SLC15A5: variants seen among roughly 807,000 people sequenced by gnomAD.
SLC15A5 encodes Peptide/histidine transporter ENSP00000340402.
In SLC15A5, 58 loss-of-function variants were observed where a neutral mutation model predicts 56.1. The observed-to-expected ratio is 1.03, with a 90% CI of 0.84 to 1.29. The LOEUF (loss-of-function observed/expected upper bound fraction) is 1.29. SLC15A5 is among the 50% of genes most tolerant of loss of function. The probability of loss-of-function intolerance (pLI) is 0.00; values close to 1 mark genes in which losing one functional copy is unlikely to be tolerated. For missense variants in SLC15A5, 681 were observed against 672.1 expected (o/e 1.01, Z -0.15); for synonymous variants, 264 against 250.5 (o/e 1.05, Z -0.51).
chr12:16,202,949 C>T (rs1232728344), intron 7 of SLC15A5, among the ~76,000 whole-genome samples: 1 of 151,702 alleles, frequency 6.6e-6, no homozygotes, highest in Non-Finnish European at 1.5e-5. Context: ...GGTGGTATTA[C>T]CAAAGGCTGA....
Position 16,224,436 on chromosome 12 carries a change from C to T in SLC15A5, c.1329G>A (p.Ala443=), listed in dbSNP as rs754619428. 27 of 1,537,064 alleles carry T rather than the reference C, an allele frequency of 1.8e-5. No homozygotes were observed. Among genetic ancestry groups the T allele is most frequent in the South Asian group, 5.9e-5 (5 of 84,046 alleles). Residue 443 remains alanine, a synonymous_variant, in exon 6 of 9, where the codon GCG becomes GCA. Coordinates refer to ENST00000344941, the MANE Select transcript of SLC15A5 (RefSeq NM_001170798.1). ...LILQYVLLGV[A]ETLVNPALSV... ...CACGGGCTGGGTTTACCAGTGTTTC[C>T]GCCACTCCAAGTAAAACATACTGAA...
chr12:16,266,690 A>G (rs1326367558), intron 2 of SLC15A5, among the ~76,000 whole-genome samples: 5 of 152,214 alleles, frequency 3.3e-5, no homozygotes, highest in Non-Finnish European at 7.4e-5. Flanking sequence ...ACAGTCTTCA[A>G]ACTTACCATT....
chr12:16,214,038 A>G (rs1011325887), intron 7 of SLC15A5, among the ~76,000 whole-genome samples: 2 of 152,206 alleles, frequency 1.3e-5, no homozygotes, highest in African/African-American at 4.8e-5. Context: ...TGGTTTCAGA[A>G]TGCTGAGAGG....
intron 7 of SLC15A5, among the ~76,000 whole-genome samples, chr12:16,200,932 G>A (rs1863948756): frequency 6.6e-6 from 1 of 152,076 alleles, no homozygotes; most frequent in African/African-American, 2.4e-5. Flanking sequence ...AGATTTAATA[G>A]TTCTAAGAGA....
chr12:16,260,793 C>T, intron 2 of SLC15A5, among the ~76,000 whole-genome samples: 1 of 150,256 alleles, frequency 6.7e-6, no homozygotes, highest in African/African-American at 2.4e-5. Context: ...GGGTTTTGAT[C>T]TCATATAAAG....
intron 6 of SLC15A5, among the ~76,000 whole-genome samples, chr12:16,218,145 G>T (rs759257681): frequency 6.6e-6 from 1 of 152,094 alleles, no homozygotes; most frequent in African/African-American, 2.4e-5. Flanking sequence ...ACAAGTTTTG[G>T]CTATGAGTTG....
intron 2 of SLC15A5, 106 bp downstream of exon 2, chr12:16,272,455 G>A: frequency 9.8e-7 from 1 of 1,021,516 alleles, no homozygotes; most frequent in South Asian, 1.5e-5. Flanking sequence ...TCATCACTTA[G>A]CCCAATTCAT....
chr12:16,277,129 A>AATAC (rs113144724), intron 1 of SLC15A5, among the ~76,000 whole-genome samples, 196 bp downstream of exon 1: 1 of 150,168 alleles, frequency 6.7e-6, no homozygotes, highest in South Asian at 2.1e-4. Flanking sequence ...AACATTCTCT[A>AATAC]ACACACACAC....
At chr12:16,231,969 A>G (rs1864303923) in intron 5 of SLC15A5, among the ~76,000 whole-genome samples, 1 of 152,230 alleles carries the variant, frequency 6.6e-6, no homozygotes, top group Non-Finnish European at 1.5e-5. Flanking sequence ...TCCCTTGCCA[A>G]ATGGCATTCT....
At chr12:16,215,605 CA>C (rs1316602734) in intron 7 of SLC15A5, among the ~76,000 whole-genome samples, 2 of 148,384 alleles carry the variant, frequency 1.3e-5, no homozygotes, top group Admixed American at 1.3e-4. Flanking sequence ...CTGCCGTTCA[CA>C]CAGTTAGCTA....
intron 2 of SLC15A5, among the ~76,000 whole-genome samples, chr12:16,259,532 G>T (rs1396979252): frequency 6.6e-6 from 1 of 152,158 alleles, no homozygotes; most frequent in Non-Finnish European, 1.5e-5. Context: ...TGAGAAGAAA[G>T]AAAATGTTTA....
In SLC15A5 at chr12:16,189,794, A is replaced by G. The variant is rs1216758795; in HGVS notation, c.1614T>C (p.Phe538=). Residue 538 remains phenylalanine, a synonymous_variant, in exon 9 of 9, where the codon TTT becomes TTC. Transcript: ENST00000344941. ...VSQRYCNLNH[F]NAQNIRGSNL... ...TACTTCCACGGATGTTCTGGGCATT[A>G]AAATGATTTAGATTACAATATCTAA... The G allele has an allele frequency of 6.6e-6, 10 of 1,513,588 alleles. No homozygotes were observed. Among genetic ancestry groups the G allele is most frequent in the African/African-American group, 1.4e-5 (1 of 71,722 alleles). The allele number at this position is 1,513,588 out of a possible 1,614,324, so 93.8% of individuals were successfully genotyped here. A position where few individuals can be genotyped will look rare whatever the true frequency, so the allele number is the denominator to read the frequency against.
chr12:16,273,352 C>A (rs766473876), intron 1 of SLC15A5, among the ~76,000 whole-genome samples: 1 of 151,704 alleles, frequency 6.6e-6, no homozygotes, highest in South Asian at 2.1e-4. Context: ...CTGGATGGAG[C>A]CTTCTTTGCC....
intron 7 of SLC15A5, among the ~76,000 whole-genome samples, chr12:16,200,497 GAATTA>G (rs1235684560): frequency 2.0e-5 from 3 of 152,022 alleles, no homozygotes; most frequent in Admixed American, 1.3e-4. Flanking sequence ...GAGATGTAGA[GAATTA>G]AATTAATGTG....
At position 16,277,420 on chromosome 12, in the gene SLC15A5, G is replaced by A; in HGVS notation, c.266C>T (p.Thr89Ile). 6.5e-7 allele frequency: 1 copy of A among 1,536,496 alleles called. No homozygotes were observed. Among genetic ancestry groups the A allele is most frequent in the Non-Finnish European group, 8.7e-7 (1 of 1,146,420 alleles). ...AAILNLCFIGTSILTPVFVRW... is the reference protein window; with the variant it reads ...AAILNLCFIGISILTPVFVRW... ...GACAAACACAGGGGTAAGTATTGAA[G>A]TTCCAATAAAACACAAGTTTAAGAT... The change falls in exon 1 of 9, where the codon ACT becomes ATT. Residue 89 changes from threonine (T) to isoleucine (I), a missense_variant. Thr to Ile is a moderately conservative substitution (Grantham distance 89). Coordinates refer to ENST00000344941, the MANE Select transcript of SLC15A5 (RefSeq NM_001170798.1).
At chr12:16,197,752 CTTT>C (rs35667399) in intron 7 of SLC15A5, among the ~76,000 whole-genome samples, 119 of 146,124 alleles carry the variant, frequency 8.1e-4, no homozygotes, top group East Asian at 1.2e-3. Flanking sequence ...TTCTGTATGC[CTTT>C]TTTTTTTTTT....
rs542224447 is a variant in SLC15A5 at position 16,203,440 on chromosome 12, A to G, written c.1484-8987T>C. On this transcript the variant is annotated intron_variant, in intron 7 of 8. Transcript: ENST00000344941. ...GATTTAATATTGAAAAATTTACTAA[A>G]TGCACCCTAATGATAGGTCCAGTTT... is the stretch of plus-strand genomic sequence containing the variant. 3.9e-4 allele frequency among the ~76,000 whole-genome samples: 60 copies of G among 152,262 alleles called. No homozygotes were observed. The South Asian group carries it at 9.3e-3, about 24-fold the overall frequency.
chr12:16,225,887 A>G (rs1018784018), intron 5 of SLC15A5, among the ~76,000 whole-genome samples: 8 of 152,220 alleles, frequency 5.3e-5, no homozygotes, highest in African/African-American at 7.2e-5. Flanking sequence ...TTGGCCATCC[A>G]GTGCTTAGGC....
chr12:16,272,736 G>C lies in SLC15A5; in HGVS notation c.409C>G (p.Leu137Val), dbSNP rs755371911. ...TTGTTAACTGCATGGTAAGTGCCCAGATAGAAATCTTCCAAGGGAAAAGCC... is the reference window on the plus strand; with the variant it reads ...TTGTTAACTGCATGGTAAGTGCCCACATAGAAATCTTCCAAGGGAAAAGCC... ...VVAFPLEDFY[L>V]GTYHAVNNIP... Residue 137 changes from leucine (L) to valine (V), a missense_variant, in exon 2 of 9, where the codon CTG (leucine) becomes GTG (valine). By Grantham distance (32) the Leu-to-Val change is conservative. Coordinates refer to ENST00000344941, the MANE Select transcript of SLC15A5 (RefSeq NM_001170798.1). The C allele has an allele frequency of 2.3e-5, 36 of 1,537,090 alleles. No homozygotes were observed. Among genetic ancestry groups the C allele is most frequent in the African/African-American group, 5.5e-5 (4 of 72,986 alleles).
Sources: gnomAD v4.1 joint callset for allele counts (sites outside exome capture counted in the v4.1 genomes callset) on GRCh38, gnomAD v4.1.1 for gene constraint, MANE v1.5 for transcripts, NCBI Gene and HGNC (gene_info 2026-07-23, HGNC 2026-07-21) for gene names.